The following EPB41 variants were observed in gnomAD, a reference collection of about 807,000 sequenced individuals.
The protein encoded by EPB41 is protein 4.1.
A neutral mutation model predicts 108.0 loss-of-function variants in EPB41; 65 were observed. The observed-to-expected ratio is 0.60, with a 90% CI of 0.49 to 0.74. The LOEUF (loss-of-function observed/expected upper bound fraction) is 0.74. Among genes scored for constraint, EPB41 ranks in the 30% least tolerant of loss-of-function variants. EPB41 has a pLI of 0.00. For synonymous variants in EPB41, 336 were observed against 358.9 expected, an observed-to-expected ratio of 0.94 and a Z score of 0.72; for missense variants, 875 against 1,037.0, an observed-to-expected ratio of 0.84 and a Z score of 2.15.
At chr1:29,058,711 C>T (rs1297470657) in intron 13 of EPB41, 66 bp downstream of exon 13, 1 of 1,551,788 alleles carries the variant, frequency 6.4e-7, no homozygotes, top group Non-Finnish European at 8.8e-7. Flanking sequence ...TTCTCCCTTA[C>T]TCCCTTTTCC....
At chr1:28,916,680 C>T (rs973439204) in intron 1 of EPB41, among the ~76,000 whole-genome samples, 1 of 152,184 alleles carries the variant, frequency 6.6e-6, no homozygotes, top group African/African-American at 2.4e-5. Flanking sequence ...GAATGCCAAC[C>T]TTCTGATTCC....
At chr1:29,044,812 T>C in intron 11 of EPB41, among the ~76,000 whole-genome samples, 1 of 152,164 alleles carries the variant, frequency 6.6e-6, no homozygotes, top group South Asian at 2.1e-4. Flanking sequence ...AGATCGCGCC[T>C]GCACTCCAGC....
intron 1 of EPB41, among the ~76,000 whole-genome samples, chr1:28,905,989 A>C (rs2091793802): frequency 6.6e-6 from 1 of 151,324 alleles, no homozygotes; most frequent in African/African-American, 2.4e-5. Context: ...GGCTAATTTT[A>C]TGTATTTTTA....
intron 1 of EPB41, among the ~76,000 whole-genome samples, chr1:28,939,001 T>A (rs1471030182): frequency 6.6e-6 from 1 of 152,236 alleles, no homozygotes; most frequent in Non-Finnish European, 1.5e-5. Context: ...TTGCCCTGGC[T>A]AGAATAGCCA....
chr1:28,960,318 G>C (rs2095151388), intron 1 of EPB41, among the ~76,000 whole-genome samples: 1 of 151,640 alleles, frequency 6.6e-6, no homozygotes, highest in South Asian at 2.1e-4. Flanking sequence ...GTCCTTCCTT[G>C]CTTTCTTGAA....
intron 1 of EPB41, among the ~76,000 whole-genome samples, chr1:28,959,463 C>T (rs990380005): frequency 1.3e-5 from 2 of 151,962 alleles, no homozygotes; most frequent in African/African-American, 2.4e-5. Context: ...GTAGTCCACC[C>T]GCCTCGGCCT....
At chr1:29,046,847 C>T (rs1303213620) in intron 11 of EPB41, among the ~76,000 whole-genome samples, 2 of 152,040 alleles carry the variant, frequency 1.3e-5, no homozygotes, top group Non-Finnish European at 2.9e-5. Context: ...AATTTTTAAA[C>T]GACCTAAGAA....
At position 28,987,420 on chromosome 1, in the gene EPB41, C is replaced by CT. The variant is rs1329091041; in HGVS notation, c.-7-6dup. ...TATAAGAGCCCCCCTTTTCTATCTT[C>CT]TTTTTAATAGCAACATCATGACAAC... On this transcript the variant is annotated splice_polypyrimidine_tract_variant and intron_variant, in intron 1 of 20. Coordinates refer to ENST00000343067, the MANE Select transcript of EPB41 (RefSeq NM_001376013.1). 1 of 1,613,276 alleles carries CT rather than the reference C, an allele frequency of 6.2e-7. No individual in the cohort carries two copies. Among genetic ancestry groups the CT allele is most frequent in the Admixed American group, 1.7e-5 (1 of 60,010 alleles).
chr1:28,903,457 T>C (rs564364669), intron 1 of EPB41, among the ~76,000 whole-genome samples: 1 of 151,886 alleles, frequency 6.6e-6, no homozygotes, highest in South Asian at 2.1e-4. Context: ...CTTGAGTAGC[T>C]GGGACTACAG....
Position 29,057,709 on chromosome 1 carries a change from A to G in EPB41, c.1846-880A>G, listed in dbSNP as rs564241101. 6.7e-4 allele frequency among the ~76,000 whole-genome samples: 102 copies of G among 152,258 alleles called. No individual in the cohort carries two copies. The South Asian group carries it at 0.021, about 31-fold the overall frequency. ...CAATGCTTTGGGCATTGCTCCCTCT[A>G]TTATGCTCCCTCTTAATAGTCTGTT... On this transcript the variant is annotated intron_variant, in intron 12 of 20. Coordinates refer to ENST00000343067, the MANE Select transcript of EPB41 (RefSeq NM_001376013.1).
At position 29,030,451 on chromosome 1, in the gene EPB41, G is replaced by A; in HGVS notation, c.1176G>A (p.Lys392=). 1.2e-6 allele frequency: 2 copies of A among 1,614,106 alleles called. No homozygotes were observed. The highest frequency in any genetic ancestry group is 2.2e-5 in the South Asian group (2 of 91,086). The change falls in exon 8 of 21, where the codon AAG becomes AAA. Residue 392 remains lysine, a synonymous_variant. Transcript: ENST00000343067. ...TGGAGTTTCTTGAGAATGCCAAAAA[G>A]TTGTCTATGTATGGAGTTGATCTTC... ...ADLEFLENAK[K]LSMYGVDLHK...
intron 4 of EPB41, among the ~76,000 whole-genome samples, chr1:29,009,846 A>T (rs2096469381): frequency 6.6e-6 from 1 of 152,150 alleles, no homozygotes; most frequent in African/African-American, 2.4e-5. Context: ...TTGTGGTGGG[A>T]GTATAAAAGA....
intron 17 of EPB41, among the ~76,000 whole-genome samples, chr1:29,105,085 A>T (rs994471852): frequency 1.3e-5 from 2 of 152,110 alleles, no homozygotes; most frequent in Non-Finnish European, 2.9e-5. Context: ...GATACAGAAC[A>T]TTACCCCTGA....
chr1:28,925,530 GGGGTGTACATTTTAGATAA>G (rs2093398591), intron 1 of EPB41, among the ~76,000 whole-genome samples: 11 of 152,162 alleles, frequency 7.2e-5, no homozygotes, highest in Admixed American at 7.2e-4. Context: ...TGAGGCAGGT[GGGGTGTACATTTTAGATAA>G]GGGTGATACT....
rs747566443 is a variant in EPB41 at position 28,997,294 on chromosome 1, C to T, written c.761C>T (p.Ala254Val). The T allele has an allele frequency of 6.2e-7, 1 of 1,613,304 alleles. No individual in the cohort carries two copies. The highest frequency in any genetic ancestry group is 1.1e-5 in the South Asian group (1 of 91,056). Residue 254 changes from alanine (A) to valine (V), a missense_variant, in exon 4 of 21, where the codon GCC (alanine) becomes GTC (valine). This residue lies in a region of EPB41 where 353 missense variants were observed against 393.2 expected (regional missense o/e 0.90). Transcript: ENST00000343067. ...NLLEEDYFGL[A>V]IWDNATSKTW... ...TTGGAAGAAGACTATTTTGGTCTAG[C>T]CATTTGGGATAACGCAACCTCTAAG...
rs753218409 is a variant in EPB41, at chr1:29,053,384, G to A, written c.1845+72G>A. ...AGGCCTTAACTTTTTGACCAGGAAC[G>A]TTTTCAAAGCAATTGCTTATTCTCA... is the stretch of plus-strand genomic sequence containing the variant. On this transcript the variant is annotated intron_variant, in intron 12 of 20. Coordinates refer to ENST00000343067, the MANE Select transcript of EPB41 (RefSeq NM_001376013.1). 2.9e-5 allele frequency: 44 copies of A among 1,533,672 alleles called. 1 individual carries two copies. The highest frequency in any genetic ancestry group is 3.7e-5 in the Non-Finnish European group (41 of 1,112,690).
At chr1:28,901,699 A>G (rs112505886) in intron 1 of EPB41, among the ~76,000 whole-genome samples, 81 of 151,768 alleles carry the variant, frequency 5.3e-4, no homozygotes, top group African/African-American at 1.9e-3. Flanking sequence ...ACGCCCATCT[A>G]ATTTTTGTAT....
At chr1:28,960,563 C>CA (rs397860826) in intron 1 of EPB41, among the ~76,000 whole-genome samples, 12,410 of 46,852 alleles carry the variant, frequency 0.26, 1,048 homozygotes, top group East Asian at 0.48. Flanking sequence ...CTCGTCTCTA[C>CA]AAAAAAAAAA....
chr1:28,894,931 G>A (rs968375960), intron 1 of EPB41, among the ~76,000 whole-genome samples: 1 of 152,118 alleles, frequency 6.6e-6, no homozygotes, highest in African/African-American at 2.4e-5. Context: ...AATCCAAGGA[G>A]CCCCTGAACT....
Sources: allele counts gnomAD v4.1 joint callset (sites outside exome capture counted in the v4.1 genomes callset), GRCh38; gene constraint gnomAD v4.1.1; regional missense constraint gnomAD v4.1.1; transcripts MANE v1.5; gene names NCBI Gene and HGNC (gene_info 2026-07-23, HGNC 2026-07-21).